The following VPS37A variants were observed in gnomAD, a reference collection of about 807,000 sequenced individuals.
VPS37A encodes the protein VPS37A subunit of ESCRT-I.
In VPS37A, 30 loss-of-function variants were observed where a neutral mutation model predicts 49.8. The observed-to-expected ratio is 0.60, with a 90% CI of 0.45 to 0.82. The LOEUF (loss-of-function observed/expected upper bound fraction) is 0.82. VPS37A is among the 40% of genes least tolerant of loss of function. VPS37A has a pLI of 0.00. For synonymous variants in VPS37A, 195 were observed against 160.6 expected (o/e 1.21, Z -1.62); for missense variants, 593 against 464.4 (o/e 1.28, Z -2.55).
chr8:17,309,317 C>T, the VPS37A span: 2 of 1,561,216 alleles, frequency 1.3e-6, no homozygotes, highest in Non-Finnish European at 1.8e-6. Context: ...CAGTCCTTTT[C>T]AATTAATACC....
intron 5 of VPS37A, among the ~76,000 whole-genome samples, chr8:17,275,291 T>C (rs1358526212): frequency 6.6e-6 from 1 of 152,150 alleles, no homozygotes; most frequent in African/African-American, 2.4e-5. Context: ...GCCTCAAATA[T>C]ACTGATGAAT....
intron 1 of VPS37A, chr8:17,248,324 G>C (rs1237473853): frequency 4.4e-6 from 2 of 453,110 alleles, no homozygotes; most frequent in Non-Finnish European, 8.8e-6. Flanking sequence ...GAGCGCAGTG[G>C]CGCGATCTCG....
chr8:17,265,665 C>T lies in VPS37A; in HGVS notation c.126-242C>T. The T allele has an allele frequency of 6.9e-6, 7 of 1,016,914 alleles. No homozygotes were observed. In the Admixed American group the frequency reaches 7.2e-5, roughly 10 times the overall value. The allele number at this position is 1,016,914 out of a possible 1,614,324, so 63.0% of individuals were successfully genotyped here. On this transcript the variant is annotated intron_variant, in intron 1 of 11. Transcript: ENST00000324849. ...GTGTAGCATTAATGAAGAGTTTTTT[C>T]TTGCCTCTTTACATCATCATCCCCC... is the stretch of plus-strand genomic sequence containing the variant.
the VPS37A span, among the ~76,000 whole-genome samples, chr8:17,325,303 T>C: frequency 1.3e-5 from 2 of 152,054 alleles, no homozygotes; most frequent in African/African-American, 4.8e-5. Context: ...CCACGACAAC[T>C]CCAAGTGCTC....
At chr8:17,278,212 C>G (rs1586024801) in intron 6 of VPS37A, among the ~76,000 whole-genome samples, 1 of 151,992 alleles carries the variant, frequency 6.6e-6, no homozygotes, top group Non-Finnish European at 1.5e-5. Flanking sequence ...TATGAGGCAG[C>G]AGTGAGGTCT....
chr8:17,252,756 T>A (rs1219445792), intron 1 of VPS37A, among the ~76,000 whole-genome samples: 1 of 152,220 alleles, frequency 6.6e-6, no homozygotes, highest in Non-Finnish European at 1.5e-5. Context: ...ACCTCGCTGG[T>A]GTAGTTATTT....
chr8:17,313,298 A>T, the VPS37A span: 2 of 1,609,870 alleles, frequency 1.2e-6, no homozygotes, highest in Non-Finnish European at 1.7e-6. Context: ...ATACCTTTGC[A>T]ATGAAGATTC....
chr8:17,284,373 A>G, intron 9 of VPS37A, 100 bp from the exon 10 acceptor site: 6 of 1,365,894 alleles, frequency 4.4e-6, no homozygotes, highest in South Asian at 1.6e-5. Flanking sequence ...TATAGGGCAT[A>G]TAATAAATTG....
At chr8:17,256,352 A>G (rs1177588653) in intron 1 of VPS37A, among the ~76,000 whole-genome samples, 2 of 124,260 alleles carry the variant, frequency 1.6e-5, no homozygotes, top group Non-Finnish European at 3.1e-5. Context: ...TGCCCAGACT[A>G]ATCTGGAACT....
At chr8:17,289,778 A>G (rs1033698488) in intron 11 of VPS37A, among the ~76,000 whole-genome samples, 2 of 152,240 alleles carry the variant, frequency 1.3e-5, no homozygotes, top group African/African-American at 2.4e-5. Context: ...CATAGAATCT[A>G]TAAATTACTT....
Position 17,280,146 on chromosome 8 carries a change from G to A in VPS37A, c.832G>A (p.Glu278Lys). 1 of 1,612,092 alleles carries A rather than the reference G, an allele frequency of 6.2e-7. No homozygotes were observed. Among genetic ancestry groups the A allele is most frequent in the Non-Finnish European group, 8.5e-7 (1 of 1,179,082 alleles). Residue 278 changes from glutamate (E) to lysine (K), a missense_variant, in exon 7 of 12, where the codon GAA (glutamate) becomes AAA (lysine). By Grantham distance (56) the Glu-to-Lys change is moderately conservative. Transcript: ENST00000324849. The part of the protein sequence containing the change: ...DKDDLVKSIE[E>K]LARKNLLLEP... ...AGATGACTTAGTAAAAAGTATTGAG[G>A]AACTAGCAAGTATGTTTTCCCTCTC...
chr8:17,329,733 A>G, the VPS37A span, among the ~76,000 whole-genome samples: 1 of 152,208 alleles, frequency 6.6e-6, no homozygotes, highest in Non-Finnish European at 1.5e-5. Flanking sequence ...AAGGAGTCCA[A>G]TTTTTCAACA....
chr8:17,252,441 G>T (rs1412792199), intron 1 of VPS37A, among the ~76,000 whole-genome samples: 3 of 152,164 alleles, frequency 2.0e-5, no homozygotes, highest in Admixed American at 2.0e-4. Context: ...GCCTCCCAAA[G>T]TGCTAGGATG....
chr8:17,264,645 A>C (rs1813280123), intron 1 of VPS37A, among the ~76,000 whole-genome samples: 1 of 152,218 alleles, frequency 6.6e-6, no homozygotes, highest in African/African-American at 2.4e-5. Context: ...AGGACCAAAA[A>C]CAGGGAAATA....
intron 9 of VPS37A, 51 bp downstream of exon 9, chr8:17,280,494 A>G: frequency 1.3e-6 from 2 of 1,502,224 alleles, no homozygotes; most frequent in Non-Finnish European, 1.8e-6. Context: ...TTTTAATCTT[A>G]TGTGCATGAG....
chr8:17,283,025 A>G (rs1030215603), intron 9 of VPS37A, among the ~76,000 whole-genome samples: 6 of 152,244 alleles, frequency 3.9e-5, no homozygotes, highest in Non-Finnish European at 4.4e-5. Flanking sequence ...TAATTTTTTA[A>G]AAAGCCAAAT....
At chr8:17,326,480 G>C in the VPS37A span, 3 of 152,222 alleles carry the variant, frequency 2.0e-5, no homozygotes, top group Non-Finnish European at 4.4e-5. Flanking sequence ...CTGTGAGCTT[G>C]TCTTACATCA....
chr8:17,322,022 A>C, the VPS37A span, among the ~76,000 whole-genome samples: 3 of 152,154 alleles, frequency 2.0e-5, no homozygotes, highest in Non-Finnish European at 4.4e-5. Context: ...GGGTGCAGAA[A>C]AAGTCTCCAT....
At chr8:17,260,920 G>C (rs1466979120) in intron 1 of VPS37A, among the ~76,000 whole-genome samples, 1 of 152,148 alleles carries the variant, frequency 6.6e-6, no homozygotes, top group Non-Finnish European at 1.5e-5. Flanking sequence ...TCACCTTTGA[G>C]AGTTTGATGA....
Sources: gnomAD v4.1 joint callset for allele counts (sites outside exome capture counted in the v4.1 genomes callset) on GRCh38, gnomAD v4.1.1 for gene constraint, MANE v1.5 for transcripts, NCBI Gene and HGNC (gene_info 2026-07-23, HGNC 2026-07-21) for gene names.